Variants in MORC1 observed in about 807,000 individuals in gnomAD.
MORC1 encodes the protein MORC family CW-type zinc finger 1.
MORC1 carries 59 observed loss-of-function variants against 134.9 expected under a neutral mutation model. The ratio of observed to expected loss-of-function variants is 0.44; its 90% CI spans 0.35 to 0.54. The LOEUF is 0.54. MORC1 is among the 20% of genes least tolerant of loss of function. The pLI is 0.00. For synonymous variants in MORC1, 395 were observed against 391.7 expected (o/e 1.01, Z -0.10); for missense variants, 947 against 1,134.5 (o/e 0.83, Z 2.37).
chr3:108,978,043 A>G (rs1281962467), intron 24 of MORC1, among the ~76,000 whole-genome samples: 2 of 151,972 alleles, frequency 1.3e-5, no homozygotes, highest in African/African-American at 2.4e-5. Context: ...CTGACTGGCT[A>G]ATTTTTTGTA....
rs1405335996 is a variant in MORC1 at position 108,959,314 on chromosome 3, T to C, written c.2800-194A>G. Among the ~76,000 whole-genome samples the C allele has an allele frequency of 2.0e-5, 3 of 152,236 alleles. No individual in the cohort carries two copies. In the East Asian group the frequency reaches 5.8e-4, roughly 29 times the overall value. On this transcript the variant is annotated intron_variant, in intron 27 of 27. Coordinates refer to ENST00000232603, the MANE Select transcript of MORC1 (RefSeq NM_014429.4). ...TTTATGCTAACAAGCGGTTAGAAACTTGGTTCATTTTTTTTATTCTGTAGT... is the reference window on the plus strand; with the variant it reads ...TTTATGCTAACAAGCGGTTAGAAACCTGGTTCATTTTTTTTATTCTGTAGT...
At chr3:109,007,171 T>A in intron 17 of MORC1, 80 bp from the exon 18 acceptor site, 1 of 1,107,506 alleles carries the variant, frequency 9.0e-7, no homozygotes, top group South Asian at 1.5e-5. Flanking sequence ...TTCAGCATTC[T>A]CCATTTCTTA....
intron 8 of MORC1, among the ~76,000 whole-genome samples, chr3:109,072,030 T>C (rs1373482719): frequency 6.6e-6 from 1 of 152,128 alleles, no homozygotes; most frequent in Non-Finnish European, 1.5e-5. Context: ...TCCTGTTTAT[T>C]TGTGACAAAA....
At chr3:109,049,375 T>C (rs902200786) in intron 14 of MORC1, among the ~76,000 whole-genome samples, 2 of 152,200 alleles carry the variant, frequency 1.3e-5, no homozygotes, top group African/African-American at 4.8e-5. Flanking sequence ...CAGGAAAACA[T>C]GTCCCAAGGT....
chr3:109,038,427 A>G (rs1416690175), intron 14 of MORC1, among the ~76,000 whole-genome samples: 1 of 151,812 alleles, frequency 6.6e-6, no homozygotes, highest in Admixed American at 6.6e-5. Context: ...GCTGTGCTGA[A>G]GCTCTTCAGT....
chr3:108,963,791 G>A (rs866741066), intron 26 of MORC1, among the ~76,000 whole-genome samples, 183 bp from the exon 27 acceptor site: 1 of 152,176 alleles, frequency 6.6e-6, no homozygotes, highest in African/African-American at 2.4e-5. Context: ...AGAAGACTAA[G>A]AGAGAAGAGA....
intron 10 of MORC1, among the ~76,000 whole-genome samples, chr3:109,062,856 C>T (rs1426997603): frequency 3.9e-5 from 6 of 152,118 alleles, no homozygotes; most frequent in Admixed American, 3.9e-4. Flanking sequence ...TCCCAAAGTG[C>T]TTGAATTATA....
intron 14 of MORC1, among the ~76,000 whole-genome samples, chr3:109,040,119 A>G (rs900309771): frequency 2.0e-5 from 3 of 151,792 alleles, no homozygotes; most frequent in Non-Finnish European, 1.5e-5. Flanking sequence ...AACAACAAAA[A>G]ACAGTAAGTC....
chr3:109,090,031 C>T (rs988168803), intron 8 of MORC1, among the ~76,000 whole-genome samples: 4 of 152,136 alleles, frequency 2.6e-5, no homozygotes, highest in Non-Finnish European at 5.9e-5. Flanking sequence ...TTTCAAAATT[C>T]AATTTAATAT....
chr3:108,979,443 A>G (rs1341799490), intron 24 of MORC1, 72 bp downstream of exon 24: 9 of 1,513,624 alleles, frequency 5.9e-6, no homozygotes, highest in Non-Finnish European at 7.2e-6. Context: ...CTCAGTAGGG[A>G]AAACAACAGG....
chr3:109,010,359 G>A (rs993251469), intron 17 of MORC1, among the ~76,000 whole-genome samples: 1 of 151,984 alleles, frequency 6.6e-6, no homozygotes, highest in African/African-American at 2.4e-5. Context: ...TTATTTCATT[G>A]TCTCGTATAG....
chr3:109,102,306 G>C (rs113033651), intron 4 of MORC1, among the ~76,000 whole-genome samples: 3 of 152,178 alleles, frequency 2.0e-5, no homozygotes, highest in African/African-American at 7.2e-5. Flanking sequence ...AATAATGTAA[G>C]GTCTTGGAAG....
At chr3:109,081,786 C>T (rs1950524941) in intron 8 of MORC1, among the ~76,000 whole-genome samples, 1 of 152,116 alleles carries the variant, frequency 6.6e-6, no homozygotes, top group Non-Finnish European at 1.5e-5. Flanking sequence ...GATGATCTTT[C>T]CCCCAATCTG....
chr3:109,058,525 T>C (rs1950012313), intron 12 of MORC1, among the ~76,000 whole-genome samples: 1 of 152,060 alleles, frequency 6.6e-6, no homozygotes, highest in Admixed American at 6.6e-5. Flanking sequence ...ATTGGACTAA[T>C]TAAATGCATC....
At chr3:109,064,830 G>T (rs778672617) in intron 9 of MORC1, among the ~76,000 whole-genome samples, 4 of 152,116 alleles carry the variant, frequency 2.6e-5, no homozygotes, top group Non-Finnish European at 4.4e-5. Context: ...AGATGTGGAC[G>T]TTGAATAGAC....
intron 26 of MORC1, among the ~76,000 whole-genome samples, chr3:108,964,856 A>T (rs1385125204): frequency 6.6e-6 from 1 of 152,170 alleles, no homozygotes; most frequent in Non-Finnish European, 1.5e-5. Flanking sequence ...ACAGCAAGGG[A>T]ATTTCAAACA....
At chr3:108,982,521 C>T (rs530474010) in intron 23 of MORC1, among the ~76,000 whole-genome samples, 97 of 137,484 alleles carry the variant, frequency 7.1e-4, no homozygotes, top group Middle Eastern at 7.9e-3. Context: ...AGGTGGGAAT[C>T]GAACAATAAG....
intron 8 of MORC1, among the ~76,000 whole-genome samples, chr3:109,079,934 A>T (rs80092758): frequency 0.032 from 4,905 of 152,264 alleles, 249 homozygotes; most frequent in African/African-American, 0.11. Context: ...CTATATGAAG[A>T]AGTAATAACA....
At chr3:108,990,898 TTCTCTCTCTCTCTCTCTC>T (rs34333221) in intron 21 of MORC1, among the ~76,000 whole-genome samples, 1 of 145,664 alleles carries the variant, frequency 6.9e-6, no homozygotes, top group East Asian at 2.0e-4. Flanking sequence ...GTTTCTCTCT[TTCTCTCTCTCTCTCTCTC>T]TCTCTCTCTC....
Sources: gnomAD v4.1 joint callset for allele counts (sites outside exome capture counted in the v4.1 genomes callset) on GRCh38, gnomAD v4.1.1 for gene constraint, MANE v1.5 for transcripts, NCBI Gene and HGNC (gene_info 2026-07-23, HGNC 2026-07-21) for gene names.